The following ZNF26 variants were observed in gnomAD, a reference collection of about 807,000 sequenced individuals.
The protein encoded by ZNF26 is zinc finger protein 26, also known as epididymis luminal protein 179.
In ZNF26, 32 loss-of-function variants were observed where a neutral mutation model predicts 54.9. The observed-to-expected ratio is 0.58, with a 90% confidence interval of 0.44 to 0.78. ZNF26 has a LOEUF of 0.78. ZNF26 is among the 30% of genes least tolerant of loss of function. ZNF26 has a pLI of 0.00. For missense variants in ZNF26, 524 were observed against 634.0 expected (o/e 0.83, Z 1.86); for synonymous variants, 221 against 209.2 (o/e 1.06, Z -0.49).
At chr12:132,990,523 C>T (rs1952925851) in intron 1 of ZNF26, among the ~76,000 whole-genome samples, 1 of 151,982 alleles carries the variant, frequency 6.6e-6, no homozygotes, top group Admixed American at 6.6e-5. Flanking sequence ...GGGTTTCTGT[C>T]TGGTTTTGGT....
rs1455814152 is a variant in ZNF26 at position 133,014,974 on chromosome 12, GTGACAT to G, written c.*3494_*3499del. ...CTAGAAGAAAGAATGATAATGCTTT[GTGACAT>G]GCTGGATTGTATCCATTATGTGTTC... On this transcript the variant is annotated 3_prime_UTR_variant, in exon 4 of 4. Coordinates refer to ENST00000328654, the MANE Select transcript of ZNF26 (RefSeq NM_019591.4). 6.6e-6 allele frequency: 1 copy of G among 152,146 alleles called. No individual in the cohort carries two copies. The highest frequency in any genetic ancestry group is 1.9e-4 in the East Asian group (1 of 5,184). The allele number at this position is 152,146 out of a possible 1,614,324, so 9.4% of individuals were successfully genotyped here.
At chr12:133,003,478 T>G (rs1953263370) in intron 1 of ZNF26, among the ~76,000 whole-genome samples, 1 of 151,972 alleles carries the variant, frequency 6.6e-6, no homozygotes, top group East Asian at 1.9e-4. Context: ...ATGGTCTCGA[T>G]CTCGTGACCT....
At position 133,016,347 on chromosome 12, in the gene ZNF26, A is replaced by T. The variant is rs1026198357; in HGVS notation, c.*4866A>T. The T allele has an allele frequency of 3.2e-4, 49 of 151,752 alleles. No individual in the cohort carries two copies. The highest frequency in any genetic ancestry group is 1.1e-3 in the African/African-American group (47 of 41,402). 9.4% of individuals were successfully genotyped at this position (151,752 alleles called of 1,614,324 possible). A position where few individuals can be genotyped will look rare whatever the true frequency, so the allele number is the denominator to read the frequency against. ...CTTGGCCTCCCAAAGTGCTAGGATT[A>T]CAGGCATGAGCCATCGTACCCGGCC... On this transcript the variant is annotated 3_prime_UTR_variant, in exon 4 of 4. Coordinates refer to ENST00000328654, the MANE Select transcript of ZNF26 (RefSeq NM_019591.4).
chr12:133,007,411 C>A, intron 2 of ZNF26, 26 bp from the exon 3 acceptor site: 1 of 1,589,398 alleles, frequency 6.3e-7, no homozygotes, highest in South Asian at 1.1e-5. Flanking sequence ...GCCTGGTCCC[C>A]ACCCTTTGTG....
intron 1 of ZNF26, chr12:132,987,858 T>TC (rs1418408669): frequency 1.4e-5 from 5 of 368,558 alleles, no homozygotes; most frequent in Non-Finnish European, 1.9e-5. Context: ...AGTGGATTTC[T>TC]CCCCCTGTGA....
rs1294684883 is a variant in ZNF26 at position 132,986,370 on chromosome 12, C to T, written c.-471C>T. 3 of 159,010 alleles carry T rather than the reference C, an allele frequency of 1.9e-5. No individual in the cohort carries two copies. The highest frequency in any genetic ancestry group is 7.2e-5 in the African/African-American group (3 of 41,684). 9.8% of individuals were successfully genotyped at this position (159,010 alleles called of 1,614,324 possible). On this transcript the variant is annotated 5_prime_UTR_variant, in exon 1 of 4. Transcript: ENST00000328654. Reference sequence around the variant, plus strand: ...GACGCACTTCCGCATGCGCCGCACTCCCGGCCTTAGTCGGGTGCGCGCGTG... The same window carrying T: ...GACGCACTTCCGCATGCGCCGCACTTCCGGCCTTAGTCGGGTGCGCGCGTG...
intron 1 of ZNF26, among the ~76,000 whole-genome samples, chr12:132,987,957 T>G (rs1952860330): frequency 6.6e-6 from 1 of 152,238 alleles, no homozygotes; most frequent in Non-Finnish European, 1.5e-5. Flanking sequence ...TATTTGTTGT[T>G]TCACTAATAC....
At chr12:133,003,226 A>G (rs954272683) in intron 1 of ZNF26, among the ~76,000 whole-genome samples, 141 of 148,362 alleles carry the variant, frequency 9.5e-4, no homozygotes, top group African/African-American at 3.3e-3. Flanking sequence ...TCAAAATATC[A>G]TATTGGCTTC....
At chr12:132,996,597 C>T (rs12099661) in intron 1 of ZNF26, among the ~76,000 whole-genome samples, 2,959 of 152,246 alleles carry the variant, frequency 0.019, 96 homozygotes, top group African/African-American at 0.067. Context: ...ATCAAATGTG[C>T]AAATTAATTT....
At chr12:132,994,569 T>C (rs1953032701) in intron 1 of ZNF26, among the ~76,000 whole-genome samples, 1 of 152,216 alleles carries the variant, frequency 6.6e-6, no homozygotes. Context: ...TCCCTGTACA[T>C]TTTTAATGCA....
intron 1 of ZNF26, chr12:132,987,732 C>CA (rs1384244091): frequency 1.0e-5 from 10 of 985,272 alleles, no homozygotes; most frequent in Non-Finnish European, 1.2e-5. Flanking sequence ...CGTGGAAGCT[C>CA]AGAGTGTGAC....
Position 133,026,519 on chromosome 12 carries a change from C to CTTTTTTTTTTTTTT in ZNF26, c.*15050_*15063dup, listed in dbSNP as rs77349696. The CTTTTTTTTTTTTTT allele has an allele frequency of 8.2e-6, 1 of 122,466 alleles. No individual in the cohort carries two copies. Among genetic ancestry groups the CTTTTTTTTTTTTTT allele is most frequent in the African/African-American group, 3.6e-5 (1 of 27,450 alleles). 7.6% of individuals were successfully genotyped at this position (122,466 alleles called of 1,614,324 possible). On this transcript the variant is annotated 3_prime_UTR_variant, in exon 4 of 4. Coordinates refer to ENST00000328654, the MANE Select transcript of ZNF26 (RefSeq NM_019591.4). ...AAAAGGACAACTTCATATAGTTCAACTTTTTTTTTTTTTTTTTTTTTTTTT... is the reference window on the plus strand; with the variant it reads ...AAAAGGACAACTTCATATAGTTCAACTTTTTTTTTTTTTTTTTTTTTTTTTTTTTTTTTTTTTTT...
At chr12:133,004,524 T>G (rs1716944788) in intron 1 of ZNF26, 1 of 152,188 alleles carries the variant, frequency 6.6e-6, no homozygotes, top group Admixed American at 6.6e-5. Context: ...CTGGTTCTGT[T>G]GCCCAGTGTA....
chr12:132,992,347 T>C (rs1435659768), intron 1 of ZNF26, among the ~76,000 whole-genome samples: 1 of 152,162 alleles, frequency 6.6e-6, no homozygotes, highest in Non-Finnish European at 1.5e-5. Flanking sequence ...ACTGTTTCAC[T>C]CCATTTTCTT....
At position 133,026,107 on chromosome 12, in the gene ZNF26, C is replaced by CTT. The variant is rs112566574; in HGVS notation, c.*14639_*14640dup. On this transcript the variant is annotated 3_prime_UTR_variant, in exon 4 of 4. Transcript: ENST00000328654. ...GGAAACTATTAGATATAATAAGTCACTTTTTTTTTTTTTTGAGATGCACTC... is the reference window on the plus strand; with the variant it reads ...GGAAACTATTAGATATAATAAGTCACTTTTTTTTTTTTTTTTGAGATGCACTC... 6 of 145,046 alleles carry CTT rather than the reference C, an allele frequency of 4.1e-5. No homozygotes were observed. Among genetic ancestry groups the CTT allele is most frequent in the Non-Finnish European group, 7.6e-5 (5 of 65,826 alleles). The allele number at this position is 145,046 out of a possible 1,614,324, so 9.0% of individuals were successfully genotyped here.
In ZNF26 at chr12:133,015,130, T is replaced by G. The variant is rs1372078600; in HGVS notation, c.*3649T>G. 1.3e-5 allele frequency: 2 copies of G among 151,002 alleles called. No individual in the cohort carries two copies. The highest frequency in any genetic ancestry group is 4.9e-5 in the African/African-American group (2 of 41,036). 9.4% of individuals were successfully genotyped at this position (151,002 alleles called of 1,614,324 possible). On this transcript the variant is annotated 3_prime_UTR_variant, in exon 4 of 4. Coordinates refer to ENST00000328654, the MANE Select transcript of ZNF26 (RefSeq NM_019591.4). ...CAGCACTTTGGGAGGCCAAGGTGGG[T>G]GGATCACAAGGTCGGGAGTTCGAGT...
rs1318548742 is a variant in ZNF26 at position 133,017,039 on chromosome 12, T to G, written c.*5558T>G. 1 of 152,148 alleles carries G rather than the reference T, an allele frequency of 6.6e-6. No individual in the cohort carries two copies. The highest frequency in any genetic ancestry group is 1.5e-5 in the Non-Finnish European group (1 of 68,026). The allele number at this position is 152,148 out of a possible 1,614,324, so 9.4% of individuals were successfully genotyped here. A position where few individuals can be genotyped will look rare whatever the true frequency, so the allele number is the denominator to read the frequency against. On this transcript the variant is annotated 3_prime_UTR_variant, in exon 4 of 4. Coordinates refer to ENST00000328654, the MANE Select transcript of ZNF26 (RefSeq NM_019591.4). ...CACAAACCAGGGTGAAATAATGTCA[T>G]TTTAAACAAAATATTTAATACCAAG...
chr12:132,990,287 CA>C (rs1285568395), intron 1 of ZNF26, among the ~76,000 whole-genome samples: 2 of 151,642 alleles, frequency 1.3e-5, no homozygotes, highest in Non-Finnish European at 2.9e-5. Context: ...GACCCTGTCT[CA>C]AAAAAGAAAA....
At chr12:132,989,096 G>A (rs1230793942) in intron 1 of ZNF26, among the ~76,000 whole-genome samples, 3 of 140,054 alleles carry the variant, frequency 2.1e-5, no homozygotes, top group African/African-American at 7.9e-5. Flanking sequence ...GAGTGCAGTG[G>A]CACAATCTCG....
Sources: allele counts gnomAD v4.1 joint callset (sites outside exome capture counted in the v4.1 genomes callset), GRCh38; gene constraint gnomAD v4.1.1; transcripts MANE v1.5; gene names NCBI Gene and HGNC (gene_info 2026-07-23, HGNC 2026-07-21).